Variants in CD55 observed in about 807,000 individuals in gnomAD.
CD55 encodes the protein complement decay-accelerating factor.
In CD55, 41 loss-of-function variants were observed where a neutral mutation model predicts 45.8. That is an observed-to-expected ratio of 0.90 (90% CI 0.70 to 1.16). The LOEUF is 1.16. Among genes scored for constraint, CD55 ranks in the 50% most tolerant of loss-of-function variants. The pLI, the probability that CD55 is intolerant of heterozygous loss-of-function variation, is 0.00. For synonymous variants in CD55, 181 were observed against 181.1 expected (o/e 1.00, Z 0.01); for missense variants, 416 against 469.8 (o/e 0.89, Z 1.06).
At chr1:207,323,715 T>C (rs974644679) in intron 2 of CD55, among the ~76,000 whole-genome samples, 2 of 152,218 alleles carry the variant, frequency 1.3e-5, no homozygotes, top group African/African-American at 4.8e-5. Context: ...GCTTTAACTT[T>C]TTATTTTTAT....
intron 9 of CD55, among the ~76,000 whole-genome samples, chr1:207,345,495 A>G (rs1216953604): frequency 6.6e-6 from 1 of 151,976 alleles, no homozygotes; most frequent in Non-Finnish European, 1.5e-5. Context: ...ATTTTTTTAA[A>G]ACAAATTTTA....
intron 9 of CD55, among the ~76,000 whole-genome samples, chr1:207,352,255 G>C (rs532453100): frequency 5.3e-5 from 8 of 151,316 alleles, no homozygotes; most frequent in African/African-American, 1.2e-4. Flanking sequence ...TGTGGGGGGT[G>C]GGGGGTGCGT....
chr1:207,332,969 A>G (rs1655015728), intron 6 of CD55, among the ~76,000 whole-genome samples: 1 of 152,184 alleles, frequency 6.6e-6, no homozygotes, highest in Non-Finnish European at 1.5e-5. Context: ...TCTAGGAAAG[A>G]GAAACCAGCA....
intron 9 of CD55, 55 bp from the exon 10 acceptor site, chr1:207,359,491 G>C: frequency 7.1e-7 from 1 of 1,404,920 alleles, no homozygotes; most frequent in Non-Finnish European, 9.3e-7. Context: ...TTTATCACTA[G>C]TAAATAAAAT....
At chr1:207,346,611 G>A (rs1049531150) in intron 9 of CD55, among the ~76,000 whole-genome samples, 2 of 152,140 alleles carry the variant, frequency 1.3e-5, no homozygotes, top group South Asian at 2.1e-4. Flanking sequence ...AGCCATAGCC[G>A]CATGCACTGG....
intron 3 of CD55, 74 bp downstream of exon 3, chr1:207,324,824 C>A: frequency 1.2e-6 from 1 of 853,012 alleles, no homozygotes; most frequent in Non-Finnish European, 1.9e-6. Flanking sequence ...TTCATTCATG[C>A]TAGAACTCTA....
intron 2 of CD55, among the ~76,000 whole-genome samples, chr1:207,323,276 TATATATATAGGGAGAGAG>T (rs1177519341): frequency 1.4e-4 from 21 of 151,198 alleles, no homozygotes; most frequent in Non-Finnish European, 7.4e-5. Context: ...TAGGGAGATA[TATATATATAGGGAGAGAG>T]ATATATATAG....
intron 9 of CD55, chr1:207,354,095 T>C: frequency 6.5e-7 from 1 of 1,528,500 alleles, no homozygotes; most frequent in Non-Finnish European, 8.8e-7. Context: ...CTCCAGTTCT[T>C]GGAGGTAGGT....
In CD55 at chr1:207,336,755, A is replaced by C. The variant is rs777734043; in HGVS notation, c.916A>C (p.Thr306Pro). The change falls in exon 7 of 10, where the codon ACT becomes CCT. Residue 306 changes from threonine to proline, a missense_variant. Transcript: ENST00000367064. ...GAAACCTACCACAGTAAATGTTCCA[A>C]CTACAGAAGTCTCACCAACTTCTCA... Reference protein sequence around the residue: ...VQKPTTVNVPTTEVSPTSQKT... With the variant: ...VQKPTTVNVPPTEVSPTSQKT... The C allele has an allele frequency of 6.2e-7, 1 of 1,613,900 alleles. No individual in the cohort carries two copies. Among genetic ancestry groups the C allele is most frequent in the South Asian group, 1.1e-5 (1 of 91,076 alleles).
intron 9 of CD55, among the ~76,000 whole-genome samples, chr1:207,355,929 A>G (rs925511804): frequency 6.6e-6 from 1 of 152,224 alleles, no homozygotes. Flanking sequence ...GATATTCTAA[A>G]TATATTTCTT....
At chr1:207,331,513 G>A (rs1237790079) in intron 6 of CD55, among the ~76,000 whole-genome samples, 1 of 152,016 alleles carries the variant, frequency 6.6e-6, no homozygotes, top group African/African-American at 2.4e-5. Context: ...ATTATGATGT[G>A]TATATATAAA....
chr1:207,323,592 A>G (rs946065216), intron 2 of CD55, among the ~76,000 whole-genome samples: 1 of 152,222 alleles, frequency 6.6e-6, no homozygotes, highest in Admixed American at 6.5e-5. Flanking sequence ...ATATATGAGT[A>G]GAGATAAAGA....
At chr1:207,352,420 C>A (rs953386736) in intron 9 of CD55, among the ~76,000 whole-genome samples, 1 of 151,970 alleles carries the variant, frequency 6.6e-6, no homozygotes, top group South Asian at 2.1e-4. Context: ...CATCAGGTAT[C>A]ACCCCCATTG....
chr1:207,347,279 A>T (rs910173296), intron 9 of CD55: 5 of 439,998 alleles, frequency 1.1e-5, no homozygotes, highest in Non-Finnish European at 2.3e-5. Flanking sequence ...TTTTTTTTTT[A>T]GACGGAATCT....
chr1:207,327,605 C>G (rs989231514), intron 5 of CD55, among the ~76,000 whole-genome samples: 1 of 152,190 alleles, frequency 6.6e-6, no homozygotes, highest in African/African-American at 2.4e-5. Flanking sequence ...TCTCTCCACA[C>G]ACAATGTGCC....
At chr1:207,354,060 A>C (rs1444681736) in intron 9 of CD55, 2 of 1,535,190 alleles carry the variant, frequency 1.3e-6, no homozygotes, top group Admixed American at 3.9e-5. Context: ...TTCTTCAAAA[A>C]AGATGATGTG....
chr1:207,325,306 G>A (rs1654625191), intron 3 of CD55, among the ~76,000 whole-genome samples: 1 of 139,420 alleles, frequency 7.2e-6, no homozygotes, highest in Non-Finnish European at 1.5e-5. Context: ...CCGCGCTCCA[G>A]CCTGGGCAAC....
chr1:207,360,305 A>G lies in CD55; in HGVS notation c.*695A>G, dbSNP rs567765015. On this transcript the variant is annotated 3_prime_UTR_variant, in exon 10 of 10. Transcript: ENST00000367064. ...CCAGAGATACTACAATATTAACATA[A>G]GAAAAGATTATATATTATTTCTGAA... is the stretch of plus-strand genomic sequence containing the variant. The G allele has an allele frequency of 6.6e-6, 1 of 152,234 alleles. No homozygotes were observed. The highest frequency in any genetic ancestry group is 2.4e-5 in the African/African-American group (1 of 41,572). The allele number at this position is 152,234 out of a possible 1,614,324, so 9.4% of individuals were successfully genotyped here. A position where few individuals can be genotyped will look rare whatever the true frequency, so the allele number is the denominator to read the frequency against.
At chr1:207,346,559 A>G (rs972262576) in intron 9 of CD55, among the ~76,000 whole-genome samples, 1 of 152,194 alleles carries the variant, frequency 6.6e-6, no homozygotes, top group Non-Finnish European at 1.5e-5. Context: ...TGGCTGGGGC[A>G]CATGCAGTTT....
Sources: allele counts gnomAD v4.1 joint callset (sites outside exome capture counted in the v4.1 genomes callset), GRCh38; gene constraint gnomAD v4.1.1; transcripts MANE v1.5; gene names NCBI Gene and HGNC (gene_info 2026-07-23, HGNC 2026-07-21).